Variants in C12orf42 observed in about 807,000 individuals in gnomAD.
C12orf42 encodes uncharacterized protein C12orf42.
Under a neutral mutation model 21.6 loss-of-function variants are expected in C12orf42, and 25 were observed. The observed-to-expected ratio is 1.16, with a 90% confidence interval of 0.84 to 1.62. The LOEUF (loss-of-function observed/expected upper bound fraction) is 1.62. C12orf42 is among the 40% of genes most tolerant of loss of function. The pLI, the probability that C12orf42 is intolerant of heterozygous loss-of-function variation, is 0.00. For synonymous variants in C12orf42, 174 were observed against 175.0 expected (o/e 0.99, Z 0.05); for missense variants, 483 against 459.3 (o/e 1.05, Z -0.47).
At chr12:103,095,843 G>A in the C12orf42 span, among the ~76,000 whole-genome samples, 1 of 152,120 alleles carries the variant, frequency 6.6e-6, no homozygotes, top group East Asian at 1.9e-4. Flanking sequence ...AGTGGTTCCT[G>A]ATGTGAGGTC....
At chr12:103,267,932 G>A (rs1411330850), downstream of C12orf42, 2 of 152,066 alleles carry the variant, frequency 1.3e-5, no homozygotes, top group Non-Finnish European at 2.9e-5. Context: ...TTATTGTGAT[G>A]AATAAATAGT....
the C12orf42 span, among the ~76,000 whole-genome samples, chr12:103,185,739 G>A: frequency 3.9e-5 from 6 of 152,084 alleles, no homozygotes; most frequent in East Asian, 1.9e-4. Flanking sequence ...TGATGGTTTC[G>A]TCAGGGGTTT....
chr12:103,416,628 TA>T (rs35347537), intron 2 of C12orf42, among the ~76,000 whole-genome samples: 9 of 150,792 alleles, frequency 6.0e-5, no homozygotes, highest in African/African-American at 1.7e-4. Flanking sequence ...GCAAGACAGT[TA>T]AAAAAAAAGA....
intron 1 of C12orf42, among the ~76,000 whole-genome samples, chr12:103,491,952 G>GTT (rs34412956): frequency 0.2 from 14,036 of 71,488 alleles, 684 homozygotes; most frequent in Non-Finnish European, 0.28. Flanking sequence ...TTTCAATTTT[G>GTT]TTTTTTTTTT....
chr12:103,250,631 T>A (rs2136192953), intron 10 of C12orf42, among the ~76,000 whole-genome samples: 1 of 152,258 alleles, frequency 6.6e-6, no homozygotes, highest in East Asian at 1.9e-4. Flanking sequence ...ATTAAACTGA[T>A]CTTCAAGAAA....
chr12:103,462,113 T>TTTTTTTTTTTTTG, intron 2 of C12orf42, among the ~76,000 whole-genome samples: 1 of 97,926 alleles, frequency 1.0e-5, no homozygotes, highest in Non-Finnish European at 2.1e-5. Flanking sequence ...TTTTTTTTTT[T>TTTTTTTTTTTTTG]TTTTTTTTTT....
chr12:103,326,779 C>T (rs1217543754), intron 4 of C12orf42, among the ~76,000 whole-genome samples: 1 of 152,212 alleles, frequency 6.6e-6, no homozygotes, highest in Admixed American at 6.5e-5. Context: ...CTGAACTGCA[C>T]TGCTCTTTCC....
the C12orf42 span, among the ~76,000 whole-genome samples, chr12:103,228,185 G>C: frequency 2.2e-4 from 34 of 152,254 alleles, 1 homozygote; most frequent in South Asian, 6.8e-3. Context: ...GGGTGCAGGC[G>C]GGCTGAGTCC....
the C12orf42 span, among the ~76,000 whole-genome samples, chr12:103,050,347 T>C: frequency 6.6e-6 from 1 of 152,082 alleles, no homozygotes; most frequent in African/African-American, 2.4e-5. Context: ...TTTACCATAG[T>C]GCCTTGTACT....
the C12orf42 span, among the ~76,000 whole-genome samples, chr12:103,065,410 GA>G: frequency 6.6e-6 from 1 of 152,182 alleles, no homozygotes. Context: ...CCCACCAGAA[GA>G]AATTTGCCTT....
the C12orf42 span, among the ~76,000 whole-genome samples, chr12:103,071,945 G>A: frequency 1.1e-3 from 161 of 152,218 alleles, no homozygotes; most frequent in African/African-American, 3.6e-3. Context: ...TCCCAGCTAC[G>A]TATCTCCCTT....
intron 2 of C12orf42, chr12:103,478,059 G>T (rs1592978966): frequency 3.5e-6 from 1 of 288,810 alleles, no homozygotes. Context: ...AATGGTGTGG[G>T]GTTACCTTAG....
the C12orf42 span, among the ~76,000 whole-genome samples, chr12:103,149,503 C>T: frequency 1.3e-5 from 2 of 152,262 alleles, no homozygotes; most frequent in South Asian, 2.1e-4. Context: ...TGTGTCCCCA[C>T]CCAAATCTTA....
At chr12:103,452,072 C>T (rs1360572429) in intron 2 of C12orf42, among the ~76,000 whole-genome samples, 1 of 151,844 alleles carries the variant, frequency 6.6e-6, no homozygotes, top group Non-Finnish European at 1.5e-5. Context: ...TGAAGCCAAA[C>T]TTATCCAAGC....
chr12:103,430,072 C>A (rs562122445), intron 2 of C12orf42, among the ~76,000 whole-genome samples: 11 of 152,296 alleles, frequency 7.2e-5, no homozygotes, highest in African/African-American at 2.6e-4. Context: ...GCAAAGACCT[C>A]ATGACTAAAA....
At chr12:103,375,769 C>A (rs1225788324) in intron 3 of C12orf42, among the ~76,000 whole-genome samples, 1 of 152,114 alleles carries the variant, frequency 6.6e-6, no homozygotes, top group Non-Finnish European at 1.5e-5. Flanking sequence ...TTACACTGGG[C>A]TCCACAAATT....
the C12orf42 span, among the ~76,000 whole-genome samples, chr12:103,507,164 AAT>A: frequency 3.8e-5 from 1 of 26,286 alleles, no homozygotes; most frequent in African/African-American, 3.8e-4. Flanking sequence ...ATATATATAT[AAT>A]ATATATTTAT....
At chr12:103,168,153 A>G in the C12orf42 span, 1 of 451,358 alleles carries the variant, frequency 2.2e-6, no homozygotes, top group Non-Finnish European at 4.4e-6. Context: ...GACCCAGGGC[A>G]TATCATCTAA....
At chr12:103,072,129 C>T in the C12orf42 span, among the ~76,000 whole-genome samples, 1 of 152,144 alleles carries the variant, frequency 6.6e-6, no homozygotes, top group Non-Finnish European at 1.5e-5. Context: ...AGTGCCATCA[C>T]TTTTGTGCTA....
Sources: allele counts gnomAD v4.1 joint callset (sites outside exome capture counted in the v4.1 genomes callset), GRCh38; gene constraint gnomAD v4.1.1; transcripts MANE v1.5; gene names NCBI Gene and HGNC (gene_info 2026-07-23, HGNC 2026-07-21).